The following TAB2 variants were observed in gnomAD, a reference collection of about 807,000 sequenced individuals.
The protein encoded by TAB2 is TGF-beta-activated kinase 1 and MAP3K7-binding protein 2.
TAB2 carries 3 observed loss-of-function variants against 65.0 expected under a neutral mutation model. The observed-to-expected ratio is 0.05, with a 90% confidence interval of 0.02 to 0.12. TAB2 has a LOEUF of 0.12. Among genes scored for constraint, TAB2 ranks in the 10% least tolerant of loss-of-function variants. The pLI, the probability that TAB2 is intolerant of heterozygous loss-of-function variation, is 1.00. For synonymous variants in TAB2, 298 were observed against 285.1 expected, an observed-to-expected ratio of 1.05 and a Z score of -0.46; for missense variants, 623 against 840.3, an observed-to-expected ratio of 0.74 and a Z score of 3.20.
intron 1 of TAB2, among the ~76,000 whole-genome samples, chr6:149,311,784 T>C (rs1166668195): frequency 2.2e-5 from 1 of 46,256 alleles, no homozygotes; most frequent in African/African-American, 6.2e-5. Context: ...AGATCTTATA[T>C]TGGAATCTAG....
At chr6:149,299,399 C>G (rs1778932669) in intron 1 of TAB2, among the ~76,000 whole-genome samples, 1 of 152,124 alleles carries the variant, frequency 6.6e-6, no homozygotes, top group Non-Finnish European at 1.5e-5. Context: ...TGGTGAAACT[C>G]AGTCTCTACT....
chr6:149,326,371 G>A (rs2114740678), intron 1 of TAB2, among the ~76,000 whole-genome samples: 1 of 151,680 alleles, frequency 6.6e-6, no homozygotes, highest in South Asian at 2.1e-4. Context: ...AAATCTCTTA[G>A]CCTAGAGGTA....
chr6:149,266,026 C>T (rs1375772471), intron 1 of TAB2, among the ~76,000 whole-genome samples: 1 of 152,180 alleles, frequency 6.6e-6, no homozygotes, highest in Admixed American at 6.5e-5. Context: ...AATGTTACCA[C>T]CCTCAGAATT....
chr6:149,335,107 G>A (rs1472649289), intron 1 of TAB2, among the ~76,000 whole-genome samples: 2 of 150,240 alleles, frequency 1.3e-5, no homozygotes, highest in East Asian at 3.9e-4. Context: ...ATTTTTTTTA[G>A]TCACAGTCAG....
chr6:149,384,417 C>G (rs892919173), intron 3 of TAB2, among the ~76,000 whole-genome samples: 11 of 152,144 alleles, frequency 7.2e-5, no homozygotes, highest in Non-Finnish European at 1.6e-4. Context: ...AGACCCCACT[C>G]ATCTCAGCAC....
In TAB2 at chr6:149,328,539, G is replaced by A. The variant is rs150946121; in HGVS notation, c.-90+10524G>A. Among the ~76,000 whole-genome samples, 598 of 152,236 alleles carry A rather than the reference G, an allele frequency of 3.9e-3. 2 individuals carry two copies. The highest frequency in any genetic ancestry group is 6.6e-3 in the Non-Finnish European group (452 of 68,010). Reference sequence around the variant, plus strand: ...AATCTCCTGACCTTGTGATTGGCCCGCCTTGACCTACCAAAGTGCTGGGAT... The same window carrying A: ...AATCTCCTGACCTTGTGATTGGCCCACCTTGACCTACCAAAGTGCTGGGAT... On this transcript the variant is annotated intron_variant, in intron 1 of 6. Transcript: ENST00000637181.
intron 6 of TAB2, among the ~76,000 whole-genome samples, chr6:149,403,000 C>G (rs1035249386): frequency 1.3e-5 from 2 of 151,748 alleles, no homozygotes; most frequent in Non-Finnish European, 2.9e-5. Flanking sequence ...TTTGGGAGAC[C>G]GAGGCGGGTG....
chr6:149,308,032 T>C (rs1335323985), intron 1 of TAB2, among the ~76,000 whole-genome samples: 1 of 152,218 alleles, frequency 6.6e-6, no homozygotes, highest in Non-Finnish European at 1.5e-5. Context: ...CATCTTTTCA[T>C]GTCAATGTAT....
In TAB2 at chr6:149,378,346, G is replaced by C. The variant is rs771975083; in HGVS notation, c.431G>C (p.Ser144Thr). 3 of 1,614,234 alleles carry C rather than the reference G, an allele frequency of 1.9e-6. No individual in the cohort carries two copies. Among genetic ancestry groups the C allele is most frequent in the Non-Finnish European group, 1.7e-6 (2 of 1,180,052 alleles). ...GGCTTTAATGTTTTTGGAATGTCCA[G>C]TTCCTCTGGTGCTTCAAATTCAGCA... Reference protein sequence around the residue: ...PQGFNVFGMSSSSGASNSAPH... With the variant: ...PQGFNVFGMSTSSGASNSAPH... The change falls in exon 3 of 7, where the codon AGT becomes ACT. Residue 144 changes from serine (S) to threonine (T), a missense_variant. Physicochemically the swap from Ser to Thr is moderately conservative, Grantham distance 58. This residue lies in a region of TAB2 where 550 missense variants were observed against 665.7 expected (regional missense o/e 0.83). Transcript: ENST00000637181.
chr6:149,239,046 T>C (rs1777549894), intron 1 of TAB2, among the ~76,000 whole-genome samples: 1 of 152,182 alleles, frequency 6.6e-6, no homozygotes, highest in Non-Finnish European at 1.5e-5. Flanking sequence ...TACAAGGGAT[T>C]AACTCAACTG....
At position 149,377,991 on chromosome 6, in the gene TAB2, A is replaced by G. The variant is rs756583630; in HGVS notation, c.103-27A>G. ...TAAGCATTCGCTTCTGATTGTTAAC[A>G]TCAATCAATTTATTTTGTTTTCATA... On this transcript the variant is annotated intron_variant, in intron 2 of 6. Coordinates refer to ENST00000637181, the MANE Select transcript of TAB2 (RefSeq NM_001292034.3). 7 of 1,593,864 alleles carry G rather than the reference A, an allele frequency of 4.4e-6. No individual in the cohort carries two copies. The East Asian group carries it at 8.9e-5, about 20-fold the overall frequency.
At chr6:149,299,804 T>C (rs1181869711) in intron 1 of TAB2, among the ~76,000 whole-genome samples, 1 of 151,494 alleles carries the variant, frequency 6.6e-6, no homozygotes. Flanking sequence ...AGACTAGGAG[T>C]TCGAGACTGG....
intron 1 of TAB2, among the ~76,000 whole-genome samples, chr6:149,322,848 T>C (rs1779498909): frequency 6.6e-6 from 1 of 152,184 alleles, no homozygotes; most frequent in East Asian, 1.9e-4. Flanking sequence ...GAATCTTTTA[T>C]ACAAATTATT....
chr6:149,285,211 C>T (rs1427108448), intron 1 of TAB2, among the ~76,000 whole-genome samples: 1 of 152,188 alleles, frequency 6.6e-6, no homozygotes, highest in African/African-American at 2.4e-5. Flanking sequence ...TGCTCTTCAA[C>T]AGGGTATGGG....
chr6:149,304,476 T>C (rs597144), intron 1 of TAB2: 54,993 of 152,716 alleles, frequency 0.36, 10,460 homozygotes, highest in African/African-American at 0.49. Context: ...CCTGCTTTAA[T>C]TGGATCAGCT....
chr6:149,329,669 G>A (rs946628886), intron 1 of TAB2, among the ~76,000 whole-genome samples: 2 of 148,298 alleles, frequency 1.3e-5, no homozygotes, highest in African/African-American at 2.5e-5. Context: ...TGGAGCTGGG[G>A]GGGGCGGGGT....
At chr6:149,240,681 T>A (rs1393960777) in intron 1 of TAB2, among the ~76,000 whole-genome samples, 1 of 152,240 alleles carries the variant, frequency 6.6e-6, no homozygotes, top group Non-Finnish European at 1.5e-5. Flanking sequence ...TTTATGGTAG[T>A]ATAATTTGCA....
chr6:149,238,005 T>C (rs1777532339), intron 1 of TAB2, among the ~76,000 whole-genome samples: 1 of 152,152 alleles, frequency 6.6e-6, no homozygotes, highest in Non-Finnish European at 1.5e-5. Flanking sequence ...CTTTGTTCCT[T>C]TTTCCTCTTC....
intron 6 of TAB2, among the ~76,000 whole-genome samples, chr6:149,407,470 A>G (rs1416181397): frequency 6.6e-6 from 1 of 152,148 alleles, no homozygotes; most frequent in Non-Finnish European, 1.5e-5. Flanking sequence ...CTACTTTTAT[A>G]TATGTTTGAA....
Sources: gnomAD v4.1 joint callset for allele counts (sites outside exome capture counted in the v4.1 genomes callset) on GRCh38, gnomAD v4.1.1 for gene constraint, gnomAD v4.1.1 regional missense constraint, MANE v1.5 for transcripts, NCBI Gene and HGNC (gene_info 2026-07-23, HGNC 2026-07-21) for gene names.